FAM20B: variants seen among roughly 807,000 people sequenced by gnomAD.
FAM20B encodes glycosaminoglycan xylosylkinase.
A neutral mutation model predicts 43.8 loss-of-function variants in FAM20B; 23 were observed. The ratio of observed to expected loss-of-function variants is 0.53; its 90% CI spans 0.38 to 0.74. The LOEUF (loss-of-function observed/expected upper bound fraction) is 0.74. Among genes scored for constraint, FAM20B ranks in the 30% least tolerant of loss-of-function variants. FAM20B has a pLI of 0.00. For missense variants in FAM20B, 440 were observed against 510.5 expected, an observed-to-expected ratio of 0.86 and a Z score of 1.33; for synonymous variants, 178 against 192.4, an observed-to-expected ratio of 0.93 and a Z score of 0.62.
chr1:179,070,132 G>C (rs889994155), intron 7 of FAM20B, among the ~76,000 whole-genome samples: 2 of 150,114 alleles, frequency 1.3e-5, no homozygotes, highest in Non-Finnish European at 3.0e-5. Context: ...TGCAACCTCC[G>C]CCTCCCAGGT....
chr1:179,054,620 A>T lies in FAM20B; in HGVS notation c.556A>T (p.Ser186Cys). The change falls in exon 4 of 8, where the codon AGC becomes TGC. Residue 186 changes from serine (S) to cysteine (C), a missense_variant. Transcript: ENST00000263733. Reference sequence around the variant, plus strand: ...ACCTGTCGCCACAGAGCAGCTGTTGAGCACCTTCCTAACTGTAGGTAAGAA... The same window carrying T: ...ACCTGTCGCCACAGAGCAGCTGTTGTGCACCTTCCTAACTGTAGGTAAGAA... ...IKPVATEQLL[S>C]TFLTVGNNTC... is the part of the protein sequence containing the mutation. 1 of 1,608,146 alleles carries T rather than the reference A, an allele frequency of 6.2e-7. No homozygotes were observed. The highest frequency in any genetic ancestry group is 8.5e-7 in the Non-Finnish European group (1 of 1,174,984).
chr1:179,023,413 G>A (rs188562021), upstream of FAM20B, among the ~76,000 whole-genome samples: 1 of 152,288 alleles, frequency 6.6e-6, no homozygotes, highest in Admixed American at 6.5e-5. Context: ...ATTAGACAAC[G>A]ACATGTAGAA....
intron 4 of FAM20B, among the ~76,000 whole-genome samples, chr1:179,059,109 T>C (rs1320801008): frequency 6.6e-6 from 1 of 152,220 alleles, no homozygotes; most frequent in Non-Finnish European, 1.5e-5. Flanking sequence ...AAGGCTTGGC[T>C]GAAGCCATAG....
rs949837124 is a variant in FAM20B, at chr1:179,064,290, G to A, written c.747-15G>A. The A allele has an allele frequency of 1.3e-6, 2 of 1,592,578 alleles. No homozygotes were observed. The highest frequency in any genetic ancestry group is 1.3e-5 in the African/African-American group (1 of 74,618). ...CAGTGTTGTCACTCAGTGCTGTGAT[G>A]CTGCTTGTCTCCAGGTGGGAGTATG... On this transcript the variant is annotated splice_polypyrimidine_tract_variant and intron_variant, in intron 5 of 7. Coordinates refer to ENST00000263733, the MANE Select transcript of FAM20B (RefSeq NM_014864.4).
At chr1:179,048,716 GAACA>G (rs1412672789) in intron 2 of FAM20B, among the ~76,000 whole-genome samples, 1 of 152,052 alleles carries the variant, frequency 6.6e-6, no homozygotes, top group African/African-American at 2.4e-5. Flanking sequence ...TTTGCACTAG[GAACA>G]AACAAACAAA....
chr1:179,044,124 A>T lies in FAM20B; in HGVS notation c.277A>T (p.Thr93Ser), dbSNP rs765814471. 6.2e-7 allele frequency: 1 copy of T among 1,614,198 alleles called. No individual in the cohort carries two copies. The highest frequency in any genetic ancestry group is 8.5e-7 in the Non-Finnish European group (1 of 1,180,028). ...GGGGGCAGTCATGCATGCCATGGCC[A>T]CCAAGAAAATCATTAAAGCTGATGT... The part of the protein sequence containing the change: ...ELGAVMHAMA[T>S]KKIIKADVGY... Residue 93 changes from threonine to serine, a missense_variant, in exon 2 of 8, where the codon ACC becomes TCC. Coordinates refer to ENST00000263733, the MANE Select transcript of FAM20B (RefSeq NM_014864.4).
rs776661933 is a variant in FAM20B at position 179,072,292 on chromosome 1, G to A, written c.*148G>A. On this transcript the variant is annotated 3_prime_UTR_variant, in exon 8 of 8. Coordinates refer to ENST00000263733, the MANE Select transcript of FAM20B (RefSeq NM_014864.4). ...GCCTTGGATGTCTTTGGTATTTTCT[G>A]TAGTAGAAACTAAAGCAAAGACCAC... 1.4e-5 allele frequency: 9 copies of A among 634,990 alleles called. No individual in the cohort carries two copies. The highest frequency in any genetic ancestry group is 2.5e-5 in the Non-Finnish European group (9 of 366,726). 39.3% of individuals were successfully genotyped at this position (634,990 alleles called of 1,614,324 possible). A position where few individuals can be genotyped will look rare whatever the true frequency, so the allele number is the denominator to read the frequency against.
intron 3 of FAM20B, among the ~76,000 whole-genome samples, 162 bp downstream of exon 3, chr1:179,050,527 A>G (rs1263468782): frequency 6.6e-6 from 1 of 152,224 alleles, no homozygotes; most frequent in African/African-American, 2.4e-5. Context: ...TATGAGTCTC[A>G]TAATTTGGTT....
chr1:179,018,857 C>A, the FAM20B span, among the ~76,000 whole-genome samples: 1 of 152,072 alleles, frequency 6.6e-6, no homozygotes, highest in South Asian at 2.1e-4. Flanking sequence ...TGAGAAGTCC[C>A]ACAATCTGCT....
intron 7 of FAM20B, 50 bp downstream of exon 7, chr1:179,066,909 G>T: frequency 7.5e-7 from 1 of 1,328,448 alleles, no homozygotes. Context: ...TCTTTTCCAG[G>T]CTCAGGTAAC....
rs770373906 is a variant in FAM20B, at chr1:179,075,961, AG to A, written c.*3818del. 2 of 152,188 alleles carry A rather than the reference AG, an allele frequency of 1.3e-5. No homozygotes were observed. Among genetic ancestry groups the A allele is most frequent in the Non-Finnish European group, 2.9e-5 (2 of 68,044 alleles). 9.4% of individuals were successfully genotyped at this position (152,188 alleles called of 1,614,324 possible). A position where few individuals can be genotyped will look rare whatever the true frequency, so the allele number is the denominator to read the frequency against. Reference sequence around the variant, plus strand: ...TTGAGCTTCAGGAAACATGAGTAAAAGTATATGTAATGTATATAGTCGTATA... The same window carrying A: ...TTGAGCTTCAGGAAACATGAGTAAAATATATGTAATGTATATAGTCGTATA... On this transcript the variant is annotated 3_prime_UTR_variant, in exon 8 of 8. Transcript: ENST00000263733.
At chr1:179,063,905 T>G in intron 4 of FAM20B, 22 bp from the exon 5 acceptor site, 1 of 1,573,242 alleles carries the variant, frequency 6.4e-7, no homozygotes, top group Non-Finnish European at 8.7e-7. Context: ...TTAAGTGTAT[T>G]TGGCTCCTTT....
chr1:179,073,893 C>G lies in FAM20B; in HGVS notation c.*1749C>G, dbSNP rs983640905. 2 of 152,202 alleles carry G rather than the reference C, an allele frequency of 1.3e-5. No individual in the cohort carries two copies. The highest frequency in any genetic ancestry group is 2.9e-5 in the Non-Finnish European group (2 of 68,050). 9.4% of individuals were successfully genotyped at this position (152,202 alleles called of 1,614,324 possible). A position where few individuals can be genotyped will look rare whatever the true frequency, so the allele number is the denominator to read the frequency against. On this transcript the variant is annotated 3_prime_UTR_variant, in exon 8 of 8. Transcript: ENST00000263733. ...AAGGAAGACAGGCCTGATGTGCCCA[C>G]TCATCTATGGACTCAGAGCTGTGTG...
At chr1:179,035,336 C>T (rs1369926796) in intron 1 of FAM20B, 18 of 684,544 alleles carry the variant, frequency 2.6e-5, no homozygotes, top group Admixed American at 7.1e-5. Flanking sequence ...GGTCGTGGGG[C>T]AGCACCCACA....
intron 6 of FAM20B, among the ~76,000 whole-genome samples, chr1:179,066,393 C>T (rs1177609620): frequency 6.6e-6 from 1 of 152,040 alleles, no homozygotes; most frequent in Non-Finnish European, 1.5e-5. Context: ...CTTCTTTTTA[C>T]AAGTAATGGT....
At chr1:179,066,368 G>T (rs916575261) in intron 6 of FAM20B, among the ~76,000 whole-genome samples, 1 of 152,110 alleles carries the variant, frequency 6.6e-6, no homozygotes, top group Non-Finnish European at 1.5e-5. Flanking sequence ...TAATTTGGGA[G>T]TAGAATAAGT....
chr1:179,023,127 C>A (rs181027546), upstream of FAM20B, among the ~76,000 whole-genome samples: 2 of 152,310 alleles, frequency 1.3e-5, no homozygotes, highest in East Asian at 1.9e-4. Flanking sequence ...CCGCAGGCCA[C>A]GGACAAGCCT....
chr1:179,058,881 G>A (rs768848733), intron 4 of FAM20B, among the ~76,000 whole-genome samples: 1 of 152,126 alleles, frequency 6.6e-6, no homozygotes, highest in Non-Finnish European at 1.5e-5. Context: ...TGAGAGAGAA[G>A]AAAAAATTAA....
upstream of FAM20B, among the ~76,000 whole-genome samples, chr1:179,025,092 T>C (rs996014888): frequency 6.6e-6 from 1 of 152,158 alleles, no homozygotes; most frequent in African/African-American, 2.4e-5. Context: ...GGTGAATAAA[T>C]GGATGGACAC....
Sources: gnomAD v4.1 joint callset for allele counts (sites outside exome capture counted in the v4.1 genomes callset) on GRCh38, gnomAD v4.1.1 for gene constraint, MANE v1.5 for transcripts, NCBI Gene and HGNC (gene_info 2026-07-23, HGNC 2026-07-21) for gene names.